Variants in KRT6C observed in about 807,000 individuals in gnomAD.
The protein encoded by KRT6C is keratin 6C.
KRT6C carries 46 observed loss-of-function variants against 49.4 expected under a neutral mutation model. That is an observed-to-expected ratio of 0.93 (90% confidence interval 0.74 to 1.19). The LOEUF is 1.19. Among genes scored for constraint, KRT6C ranks in the 50% most tolerant of loss-of-function variants. The pLI is 0.00. For missense variants in KRT6C, 552 were observed against 737.5 expected, an observed-to-expected ratio of 0.75 and a Z score of 2.91; for synonymous variants, 236 against 297.1, an observed-to-expected ratio of 0.79 and a Z score of 2.12.
rs779066378 is a variant in KRT6C at position 52,469,840 on chromosome 12, C to A, written c.1254G>T (p.Met418Ile). ...GCTTGTTCTTAGCATCCTTGAGTGCCATCTCCCCACGCTGCTCAGCATCAG... is the reference window on the plus strand; with the variant it reads ...GCTTGTTCTTAGCATCCTTGAGTGCAATCTCCCCACGCTGCTCAGCATCAG... ...AIADAEQRGEMALKDAKNKLE... is the reference protein window; with the variant it reads ...AIADAEQRGEIALKDAKNKLE... The change falls in exon 7 of 9, where the codon ATG becomes ATT. Residue 418 changes from methionine to isoleucine, a missense_variant. This residue lies in a region of KRT6C where 425 missense variants were observed against 439.4 expected (regional missense o/e 0.97). Coordinates refer to ENST00000252250, the MANE Select transcript of KRT6C (RefSeq NM_173086.5). 6.2e-7 allele frequency: 1 copy of A among 1,614,110 alleles called. No individual in the cohort carries two copies. Among genetic ancestry groups the A allele is most frequent in the East Asian group, 2.2e-5 (1 of 44,860 alleles).
In KRT6C at chr12:52,472,230, C is replaced by G. The variant is rs1345017846; in HGVS notation, c.591G>C (p.Leu197=). The change falls in exon 2 of 9, where the codon CTG becomes CTC. Residue 197 remains leucine, a synonymous_variant. Coordinates refer to ENST00000252250, the MANE Select transcript of KRT6C (RefSeq NM_173086.5). The part of the protein sequence containing the change: ...QNKVLDTKWT[L]LQEQGTKTVR... ...CAGTCTTGGTGCCCTGCTCCTGCAG[C>G]AGGGTCCACTTGGTGTCCAGAACCT... The G allele has an allele frequency of 6.9e-7, 1 of 1,459,474 alleles. No individual in the cohort carries two copies. The allele number at this position is 1,459,474 out of a possible 1,614,324, so 90.4% of individuals were successfully genotyped here.
At chr12:52,469,593 C>G in intron 7 of KRT6C, 77 bp downstream of exon 7, 1 of 1,613,322 alleles carries the variant, frequency 6.2e-7, no homozygotes, top group South Asian at 1.1e-5. Context: ...ATGAGCAGTG[C>G]ACCCTAGAAT....
rs1156832554 is a variant in KRT6C, at chr12:52,468,944, C to T, written c.*118G>A. The T allele has an allele frequency of 3.0e-6, 4 of 1,333,250 alleles. No homozygotes were observed. The highest frequency in any genetic ancestry group is 3.2e-6 in the Non-Finnish European group (3 of 950,642). The allele number at this position is 1,333,250 out of a possible 1,614,324, so 82.6% of individuals were successfully genotyped here. A position where few individuals can be genotyped will look rare whatever the true frequency, so the allele number is the denominator to read the frequency against. Reference sequence around the variant, plus strand: ...GAGGGCACTAAGCATCCATACCCAGCTCTACCTCGGAGAGCAGGGAAGACT... The same window carrying T: ...GAGGGCACTAAGCATCCATACCCAGTTCTACCTCGGAGAGCAGGGAAGACT... On this transcript the variant is annotated 3_prime_UTR_variant, in exon 9 of 9. Transcript: ENST00000252250.
At chr12:52,470,004 C>A in intron 6 of KRT6C, 114 bp from the exon 7 acceptor site, 5 of 1,177,262 alleles carry the variant, frequency 4.2e-6, no homozygotes, top group Admixed American at 3.9e-5. Flanking sequence ...TGAGCTTTGA[C>A]TCTTCCTGTC....
intron 1 of KRT6C, 124 bp downstream of exon 1, chr12:52,473,074 C>T: frequency 1.3e-5 from 15 of 1,135,142 alleles, no homozygotes; most frequent in Non-Finnish European, 1.8e-5. Flanking sequence ...GAGCCACCTG[C>T]ACTCTCTGCA....
Position 52,470,416 on chromosome 12 carries a change from T to A in KRT6C, c.1203+89A>T. On this transcript the variant is annotated intron_variant, in intron 6 of 8. Transcript: ENST00000252250. ...TCCTCACCCTAGTGTTGGTTTACGT[T>A]TCAGGAATTATATCAAATAATGGCT... The A allele has an allele frequency of 1.9e-6, 3 of 1,610,374 alleles. No individual in the cohort carries two copies. The South Asian group carries it at 3.3e-5, about 18-fold the overall frequency.
chr12:52,472,336 T>C, intron 1 of KRT6C, 56 bp from the exon 2 acceptor site: 1 of 1,356,758 alleles, frequency 7.4e-7, no homozygotes, highest in Non-Finnish European at 1.0e-6. Flanking sequence ...AAAAAGTGTC[T>C]GGTATCCAGT....
rs181961437 is a variant in KRT6C, at chr12:52,472,980, C to T, written c.540+218G>A. Among the ~76,000 whole-genome samples, 104 of 148,564 alleles carry T rather than the reference C, an allele frequency of 7.0e-4. No individual in the cohort carries two copies. In the East Asian group the frequency reaches 0.01, roughly 14 times the overall value. On this transcript the variant is annotated intron_variant, in intron 1 of 8. Coordinates refer to ENST00000252250, the MANE Select transcript of KRT6C (RefSeq NM_173086.5). ...TGTGCTTCAGGGTTATGAAAAGTTA[C>T]GGCTCTCCCTAGGCAGGAGTGAGGG...
Position 52,471,681 on chromosome 12 carries a change from A to G in KRT6C, c.807T>C (p.Thr269=). The change falls in exon 3 of 9, where the codon ACT becomes ACC. Residue 269 remains threonine (T), a synonymous_variant. Coordinates refer to ENST00000252250, the MANE Select transcript of KRT6C (RefSeq NM_173086.5). ...KRTAAENEFV[T]LKKDVDAAYM... ...GGCTTCATCTGCTCACCTTCTTCAGAGTCACAAATTCATTCTCTGCTGCTG... is the reference window on the plus strand; with the variant it reads ...GGCTTCATCTGCTCACCTTCTTCAGGGTCACAAATTCATTCTCTGCTGCTG... 2 of 1,613,092 alleles carry G rather than the reference A, an allele frequency of 1.2e-6. No homozygotes were observed. Among genetic ancestry groups the G allele is most frequent in the Non-Finnish European group, 1.7e-6 (2 of 1,179,646 alleles).
Position 52,471,313 on chromosome 12 carries a change from C to T in KRT6C, c.913-17G>A, listed in dbSNP as rs1937877081. The T allele has an allele frequency of 3.1e-6, 5 of 1,614,182 alleles. No individual in the cohort carries two copies. The highest frequency in any genetic ancestry group is 4.2e-6 in the Non-Finnish European group (5 of 1,180,032). On this transcript the variant is annotated splice_polypyrimidine_tract_variant and intron_variant, in intron 4 of 8. Coordinates refer to ENST00000252250, the MANE Select transcript of KRT6C (RefSeq NM_173086.5). ...GGACAGCTCCTGCAGAACAGAAGGT[C>T]ATAAGATCAACTTCACATCTGACAT...
Position 52,471,298 on chromosome 12 carries a change from T to G in KRT6C, c.913-2A>C. On this transcript the variant is annotated splice_acceptor_variant, in intron 4 of 8. Coordinates refer to ENST00000252250, the MANE Select transcript of KRT6C (RefSeq NM_173086.5). LOFTEE classifies it high-confidence loss of function. ...GTGGGTCTGCATCTGGGACAGCTCC[T>G]GCAGAACAGAAGGTCATAAGATCAA... 6.2e-7 allele frequency: 1 copy of G among 1,614,206 alleles called. No individual in the cohort carries two copies. Among genetic ancestry groups the G allele is most frequent in the Non-Finnish European group, 8.5e-7 (1 of 1,180,018 alleles).
In KRT6C at chr12:52,469,623, C is replaced by T. The variant is rs374108178; in HGVS notation, c.1424+47G>A. The T allele has an allele frequency of 2.4e-5, 39 of 1,614,138 alleles. No homozygotes were observed. The African/African-American group carries it at 3.5e-4, about 14-fold the overall frequency. ...TAGAATTGTGCTCAGTGCCAGGAAC[C>T]TTGAAGATGGACTCAGCTGTTGGAG... is the stretch of plus-strand genomic sequence containing the variant. On this transcript the variant is annotated intron_variant, in intron 7 of 8. Transcript: ENST00000252250.
intron 1 of KRT6C, among the ~76,000 whole-genome samples, chr12:52,472,779 C>A (rs1171295144): frequency 7.2e-6 from 1 of 138,818 alleles, no homozygotes; most frequent in African/African-American, 2.5e-5. Flanking sequence ...GTTTCTATGT[C>A]CCTTTTTTTC....
rs1243800289 is a variant in KRT6C at position 52,469,092 on chromosome 12, G to A, written c.1665C>T (p.Ser555=). The A allele has an allele frequency of 6.2e-7, 1 of 1,614,114 alleles. No individual in the cohort carries two copies. Among genetic ancestry groups the A allele is most frequent in the Non-Finnish European group, 8.5e-7 (1 of 1,179,982 alleles). Residue 555 remains serine (S), a synonymous_variant, in exon 9 of 9, where the codon TCC becomes TCT. Transcript: ENST00000252250. ...GSSTIKYTTT[S]SSSRKSYKH ...GCTTGTAGCTCTTCCTGCTGGAGGAGGAGGTGGTGGTGTACTTGATGGTGG... is the reference window on the plus strand; with the variant it reads ...GCTTGTAGCTCTTCCTGCTGGAGGAAGAGGTGGTGGTGTACTTGATGGTGG...
chr12:52,471,818 T>C, intron 2 of KRT6C, 86 bp from the exon 3 acceptor site: 1 of 1,463,582 alleles, frequency 6.8e-7, no homozygotes, highest in Non-Finnish European at 9.6e-7. Context: ...ATTTCCTGAA[T>C]GGAATATATT....
chr12:52,470,343 G>T, intron 6 of KRT6C, 162 bp downstream of exon 6: 2 of 1,298,110 alleles, frequency 1.5e-6, no homozygotes, highest in Non-Finnish European at 2.2e-6. Flanking sequence ...TCTTGGGTGG[G>T]ATTCACTTCT....
chr12:52,468,922 G>T lies in KRT6C; in HGVS notation c.*140C>A. The T allele has an allele frequency of 9.9e-7, 1 of 1,013,358 alleles. No homozygotes were observed. Among genetic ancestry groups the T allele is most frequent in the East Asian group, 2.6e-5 (1 of 39,212 alleles). 62.8% of individuals were successfully genotyped at this position (1,013,358 alleles called of 1,614,324 possible). On this transcript the variant is annotated 3_prime_UTR_variant, in exon 9 of 9. Coordinates refer to ENST00000252250, the MANE Select transcript of KRT6C (RefSeq NM_173086.5). ...GCAGGTATAGACAGAGAGAAGTGAG[G>T]GCACTAAGCATCCATACCCAGCTCT...
chr12:52,471,757 C>T (rs774471609), intron 2 of KRT6C, 25 bp from the exon 3 acceptor site: 28 of 1,613,758 alleles, frequency 1.7e-5, no homozygotes, highest in Admixed American at 3.3e-5. Context: ...GCATAGGACA[C>T]ATATGAGCCA....
chr12:52,472,478 T>C (rs74465207), intron 1 of KRT6C, among the ~76,000 whole-genome samples, 198 bp from the exon 2 acceptor site: 2 of 135,402 alleles, frequency 1.5e-5, no homozygotes, highest in Non-Finnish European at 1.7e-5. Flanking sequence ...AATTGTCCCA[T>C]GGACCATTGA....
Sources: gnomAD v4.1 joint callset for allele counts (sites outside exome capture counted in the v4.1 genomes callset) on GRCh38, gnomAD v4.1.1 for gene constraint, gnomAD v4.1.1 regional missense constraint, MANE v1.5 for transcripts, NCBI Gene and HGNC (gene_info 2026-07-23, HGNC 2026-07-21) for gene names.